VWDE: variants seen among roughly 807,000 people sequenced by gnomAD.
VWDE encodes the protein von Willebrand factor D and EGF domains.
In VWDE, 207 loss-of-function variants were observed where a neutral mutation model predicts 178.4. The ratio of observed to expected loss-of-function variants is 1.16; its 90% CI spans 1.04 to 1.30. The LOEUF is 1.30. Ranked by LOEUF, VWDE falls within the 50% of genes most tolerant of loss-of-function variation. The probability of loss-of-function intolerance (pLI) is 0.00; values close to 1 mark genes in which losing one functional copy is unlikely to be tolerated. For missense variants in VWDE, 2,287 were observed against 1,901.3 expected (o/e 1.20, Z -3.77); for synonymous variants, 738 against 651.4 (o/e 1.13, Z -2.02).
At chr7:12,366,445 C>T (rs1782864233) in intron 13 of VWDE, among the ~76,000 whole-genome samples, 1 of 152,094 alleles carries the variant, frequency 6.6e-6, no homozygotes, top group Admixed American at 6.6e-5. Flanking sequence ...ATTTATTCTG[C>T]CATGACTATT....
chr7:12,349,516 G>C (rs1286418883), intron 19 of VWDE, among the ~76,000 whole-genome samples: 2 of 151,244 alleles, frequency 1.3e-5, no homozygotes, highest in African/African-American at 4.8e-5. Context: ...ATATTTATTT[G>C]ATTACATAAA....
intron 13 of VWDE, 79 bp from the exon 14 acceptor site, chr7:12,361,600 C>A (rs562849652): frequency 1.5e-6 from 2 of 1,332,974 alleles, no homozygotes; most frequent in South Asian, 1.7e-5. Flanking sequence ...ATAATGAAAA[C>A]ATAAATTTTA....
At chr7:12,364,308 C>A (rs1363990892) in intron 13 of VWDE, among the ~76,000 whole-genome samples, 1 of 152,048 alleles carries the variant, frequency 6.6e-6, no homozygotes, top group Non-Finnish European at 1.5e-5. Flanking sequence ...GCACACCTTG[C>A]ACCCAAGTCT....
chr7:12,358,395 G>A (rs1474036408), intron 16 of VWDE, among the ~76,000 whole-genome samples: 2 of 151,516 alleles, frequency 1.3e-5, no homozygotes, highest in Non-Finnish European at 2.9e-5. Context: ...GGTGGGGGGG[G>A]CTATTTTAGA....
chr7:12,397,711 T>A (rs918626462), intron 1 of VWDE, among the ~76,000 whole-genome samples: 2 of 151,936 alleles, frequency 1.3e-5, no homozygotes, highest in African/African-American at 4.8e-5. Context: ...AACTTAAATA[T>A]TTCAACGAGA....
At chr7:12,349,015 G>T (rs1781772432) in intron 19 of VWDE, among the ~76,000 whole-genome samples, 1 of 152,064 alleles carries the variant, frequency 6.6e-6, no homozygotes, top group Non-Finnish European at 1.5e-5. Context: ...TCATAGGTGG[G>T]AACTGAACAA....
At chr7:12,359,520 A>T in intron 16 of VWDE, 58 bp downstream of exon 16, 1 of 1,249,124 alleles carries the variant, frequency 8.0e-7, no homozygotes, top group Non-Finnish European at 1.1e-6. Flanking sequence ...TTCTGGCTGA[A>T]AACCACTTTT....
In VWDE at chr7:12,341,973, T is replaced by A. The variant is rs1276276741; in HGVS notation, c.4270+86A>T. 2.8e-6 allele frequency: 3 copies of A among 1,083,716 alleles called. No individual in the cohort carries two copies. In the African/African-American group the frequency reaches 4.7e-5, roughly 17 times the overall value. The allele number at this position is 1,083,716 out of a possible 1,614,324, so 67.1% of individuals were successfully genotyped here. A position where few individuals can be genotyped will look rare whatever the true frequency, so the allele number is the denominator to read the frequency against. ...ATCTACCTGTCTTGTCAGGTCAGTT[T>A]TATGTTTCTTAGGTGCACGTCTTCA... is the stretch of plus-strand genomic sequence containing the variant. On this transcript the variant is annotated intron_variant, in intron 23 of 28. Transcript: ENST00000275358.
At position 12,370,752 on chromosome 7, in the gene VWDE, G is replaced by A; in HGVS notation, c.1700C>T (p.Thr567Ile). The A allele has an allele frequency of 6.4e-7, 1 of 1,551,136 alleles. No individual in the cohort carries two copies. The highest frequency in any genetic ancestry group is 8.7e-7 in the Non-Finnish European group (1 of 1,146,698). ...DYRNTLGLCG[T>I]FDENPENDFH... Reference sequence around the variant, plus strand: ...ATCATTTTCCGGATTTTCATCAAAGGTTCCACAAAGTCCCAGAGTGTTTCT... The same window carrying A: ...ATCATTTTCCGGATTTTCATCAAAGATTCCACAAAGTCCCAGAGTGTTTCT... Residue 567 changes from threonine (T) to isoleucine (I), a missense_variant, in exon 11 of 29, where the codon ACC becomes ATC. Coordinates refer to ENST00000275358, the MANE Select transcript of VWDE (RefSeq NM_001135924.3).
rs768041387 is a variant in VWDE at position 12,335,735 on chromosome 7, G to A, written c.4654+406C>T. Among the ~76,000 whole-genome samples the A allele has an allele frequency of 3.0e-4, 45 of 152,290 alleles. 1 individual carries two copies. Among genetic ancestry groups the A allele is most frequent in the African/African-American group, 1.0e-3 (43 of 41,580 alleles). On this transcript the variant is annotated intron_variant, in intron 27 of 28. Coordinates refer to ENST00000275358, the MANE Select transcript of VWDE (RefSeq NM_001135924.3). ...CTCCCAAAGTGCTGGGATTACAGGC[G>A]TGAGCCACTGCACCCGGCCTAGAGT... is the stretch of plus-strand genomic sequence containing the variant.
At chr7:12,349,882 C>T (rs148265578) in intron 19 of VWDE, among the ~76,000 whole-genome samples, 5 of 152,042 alleles carry the variant, frequency 3.3e-5, no homozygotes, top group Non-Finnish European at 4.4e-5. Flanking sequence ...AAGAATACTA[C>T]ATGTAATTGT....
intron 27 of VWDE, among the ~76,000 whole-genome samples, chr7:12,334,710 C>G (rs943154790): frequency 6.6e-6 from 1 of 152,192 alleles, no homozygotes; most frequent in South Asian, 2.1e-4. Context: ...GATGCAGAAA[C>G]AGGGTGCACA....
chr7:12,358,057 A>G (rs1782358987), intron 16 of VWDE, among the ~76,000 whole-genome samples: 2 of 152,090 alleles, frequency 1.3e-5, no homozygotes, highest in Admixed American at 1.3e-4. Context: ...AGGTTCTTCC[A>G]GTGGCTGAGT....
chr7:12,374,675 T>A lies in VWDE; in HGVS notation c.1316+14A>T. 1 of 1,511,656 alleles carries A rather than the reference T, an allele frequency of 6.6e-7. No homozygotes were observed. The highest frequency in any genetic ancestry group is 8.9e-7 in the Non-Finnish European group (1 of 1,121,572). The allele number at this position is 1,511,656 out of a possible 1,614,324, so 93.6% of individuals were successfully genotyped here. A position where few individuals can be genotyped will look rare whatever the true frequency, so the allele number is the denominator to read the frequency against. ...AAACAAAACTACTAAAAGAAGAAACTTTCAGAAAATTACCTGCCATCAAAT... is the reference window on the plus strand; with the variant it reads ...AAACAAAACTACTAAAAGAAGAAACATTCAGAAAATTACCTGCCATCAAAT... On this transcript the variant is annotated intron_variant, in intron 9 of 28. Transcript: ENST00000275358.
chr7:12,380,578 G>A lies in VWDE; in HGVS notation c.697C>T (p.Gln233Ter). 1 of 1,552,196 alleles carries A rather than the reference G, an allele frequency of 6.4e-7. No homozygotes were observed. Among genetic ancestry groups the A allele is most frequent in the Non-Finnish European group, 8.7e-7 (1 of 1,147,112 alleles). The change falls in exon 5 of 29, where the codon CAA (glutamine) becomes TAA (stop). Residue 233 changes from glutamine to a stop codon, truncating the protein, a stop_gained. Transcript: ENST00000275358. LOFTEE classifies it high-confidence loss of function. ...TGTGTCAGCTCCTCTTTGACTTCTT[G>A]AGAAGAAAGCCTAGACCAAGCTATG... ...FHIAWSRLSS[Q>*]EVKEELTQET...
Position 12,380,618 on chromosome 7 carries a change from G to T in VWDE, c.657C>A (p.Asn219Lys). The T allele has an allele frequency of 6.4e-7, 1 of 1,552,280 alleles. No individual in the cohort carries two copies. The highest frequency in any genetic ancestry group is 8.7e-7 in the Non-Finnish European group (1 of 1,147,124). ...ACCAAGCTATGTGAAATCCCACTGA[G>T]TTTTTTGTAGCGGGAACATCAAAAG... ...RCSFDVPATK[N>K]SVGFHIAWSR... Residue 219 changes from asparagine to lysine, a missense_variant, in exon 5 of 29, where the codon AAC becomes AAA. Asn to Lys is a moderately conservative substitution (Grantham distance 94). Transcript: ENST00000275358.
intron 16 of VWDE, among the ~76,000 whole-genome samples, chr7:12,357,974 G>A (rs1007122157): frequency 6.6e-6 from 1 of 151,894 alleles, no homozygotes; most frequent in Non-Finnish European, 1.5e-5. Context: ...TCCTTTGAAC[G>A]TTTCTCGCTG....
chr7:12,364,331 G>A (rs1782744082), intron 13 of VWDE, among the ~76,000 whole-genome samples: 2 of 152,076 alleles, frequency 1.3e-5, no homozygotes, highest in Non-Finnish European at 2.9e-5. Flanking sequence ...GATTTTAAAT[G>A]ACCCTCTTTG....
At chr7:12,335,073 CA>C (rs1223067808) in intron 27 of VWDE, among the ~76,000 whole-genome samples, 2 of 152,004 alleles carry the variant, frequency 1.3e-5, no homozygotes, top group Non-Finnish European at 2.9e-5. Context: ...TGCATGGAAA[CA>C]AGGGTATGGT....
Sources: allele counts gnomAD v4.1 joint callset (sites outside exome capture counted in the v4.1 genomes callset), GRCh38; gene constraint gnomAD v4.1.1; transcripts MANE v1.5; gene names NCBI Gene and HGNC (gene_info 2026-07-23, HGNC 2026-07-21).